The following SYTL5 variants were observed in gnomAD, a reference collection of about 807,000 sequenced individuals.
SYTL5 encodes synaptotagmin like 5.
A neutral mutation model predicts 55.9 loss-of-function variants in SYTL5; 34 were observed. That is an observed-to-expected ratio of 0.61 (90% CI 0.46 to 0.81). SYTL5 has a LOEUF of 0.81. Ranked by LOEUF, SYTL5 falls within the 30% of genes least tolerant of loss-of-function variation. SYTL5 has a pLI of 0.00. For missense variants in SYTL5, 637 were observed against 546.7 expected, an observed-to-expected ratio of 1.17 and a Z score of -1.65; for synonymous variants, 221 against 188.7, an observed-to-expected ratio of 1.17 and a Z score of -1.40.
At chrX:38,076,500 T>A in intron 5 of SYTL5, 67 bp from the exon 6 acceptor site, 5 of 890,801 alleles carry the variant, frequency 5.6e-6, no homozygotes, top group Non-Finnish European at 7.7e-6. Context: ...AGAAATTGTA[T>A]TCTTGAAATG....
the SYTL5 span, among the ~76,000 whole-genome samples, chrX:37,924,329 G>T: frequency 9.0e-6 from 1 of 110,880 alleles, no homozygotes; most frequent in African/African-American, 3.3e-5. Context: ...CTGAACTTTA[G>T]TGTCCCCGTT....
At chrX:38,049,204 G>T (rs1384039605) in intron 2 of SYTL5, among the ~76,000 whole-genome samples, 1 of 112,170 alleles carries the variant, frequency 8.9e-6, no homozygotes, top group Non-Finnish European at 1.9e-5. Context: ...TAGTTCTAGA[G>T]AAGTACTTAG....
At chrX:38,074,119 T>A (rs1936332175) in intron 5 of SYTL5, among the ~76,000 whole-genome samples, 1 of 111,795 alleles carries the variant, frequency 8.9e-6, no homozygotes, top group African/African-American at 3.2e-5. Flanking sequence ...AAGCACCATA[T>A]TCCCTATTTA....
chrX:38,089,526 C>A lies in SYTL5; in HGVS notation c.770C>A (p.Thr257Asn). Reference protein sequence around the residue: ...TPKSSRSNGVTPGTQSSPAPS... With the variant: ...TPKSSRSNGVNPGTQSSPAPS... ...AAGAGCAGTCGGAGCAATGGTGTGACCCCAGGCACTCAGAGTTCACCAGCC... is the reference window on the plus strand; with the variant it reads ...AAGAGCAGTCGGAGCAATGGTGTGAACCCAGGCACTCAGAGTTCACCAGCC... The change falls in exon 7 of 17, where the codon ACC becomes AAC. Residue 257 changes from threonine (T) to asparagine (N), a missense_variant. Physicochemically the swap from Thr to Asn is moderately conservative, Grantham distance 65. Coordinates refer to ENST00000297875, the MANE Select transcript of SYTL5 (RefSeq NM_138780.3). 8.3e-7 allele frequency: 1 copy of A among 1,210,706 alleles called. No homozygotes were observed. The highest frequency in any genetic ancestry group is 1.7e-5 in the African/African-American group (1 of 57,653).
At chrX:38,042,777 C>T (rs1935325262) in intron 2 of SYTL5, among the ~76,000 whole-genome samples, 1 of 111,836 alleles carries the variant, frequency 8.9e-6, no homozygotes, top group Admixed American at 9.5e-5. Flanking sequence ...GACCCATCCC[C>T]TCAAAGGTAA....
the SYTL5 span, among the ~76,000 whole-genome samples, chrX:37,902,629 G>A: frequency 9.0e-6 from 1 of 111,189 alleles, no homozygotes. Context: ...TTCCTGGCAG[G>A]AACTGAAAGG....
intron 7 of SYTL5, among the ~76,000 whole-genome samples, chrX:38,093,403 A>G (rs900785763): frequency 8.9e-6 from 1 of 111,838 alleles, no homozygotes; most frequent in Non-Finnish European, 1.9e-5. Context: ...TCATTATCAT[A>G]CCATGATGTA....
chrX:38,125,323 G>A lies in SYTL5; in HGVS notation c.1867G>A (p.Ala623Thr). The A allele has an allele frequency of 8.3e-7, 1 of 1,211,469 alleles. No individual in the cohort carries two copies. Among genetic ancestry groups the A allele is most frequent in the Non-Finnish European group, 1.1e-6 (1 of 895,340 alleles). The change falls in exon 16 of 17, where the codon GCC becomes ACC. Residue 623 changes from alanine to threonine, a missense_variant. Transcript: ENST00000297875. ...CTACCTGCTCCCTGATGATAGCAAAGCCACCAAGCACAAAACTCTGGTAAT... is the reference window on the plus strand; with the variant it reads ...CTACCTGCTCCCTGATGATAGCAAAACCACCAAGCACAAAACTCTGGTAAT... ...KGYLLPDDSK[A>T]TKHKTLVIKK...
chrX:38,008,783 A>C (rs903596705), intron 1 of SYTL5, among the ~76,000 whole-genome samples: 10 of 111,963 alleles, frequency 8.9e-5, no homozygotes, highest in African/African-American at 2.9e-4. Context: ...GGTCACCTGT[A>C]GTGCTGCTAG....
chrX:38,034,742 C>T (rs992845962), intron 2 of SYTL5, among the ~76,000 whole-genome samples: 10 of 112,418 alleles, frequency 8.9e-5, no homozygotes, highest in African/African-American at 1.3e-4. Flanking sequence ...TGATTGGTTG[C>T]GTCGCCTGCT....
At chrX:37,948,988 C>A in the SYTL5 span, among the ~76,000 whole-genome samples, 19 of 111,419 alleles carry the variant, frequency 1.7e-4, no homozygotes, top group African/African-American at 6.2e-4. Context: ...TATTCAATTT[C>A]AGTCATGTTA....
the SYTL5 span, among the ~76,000 whole-genome samples, chrX:37,947,818 G>A: frequency 2.7e-5 from 3 of 111,531 alleles, no homozygotes; most frequent in African/African-American, 9.8e-5. Context: ...CACATTAAGT[G>A]AGGCTAATAA....
intron 6 of SYTL5, among the ~76,000 whole-genome samples, chrX:38,083,638 T>C (rs7062630): frequency 0.02 from 2,192 of 110,848 alleles, 50 homozygotes; most frequent in African/African-American, 0.068. Flanking sequence ...ATCTCTCTGC[T>C]TCCCTAATTC....
At chrX:38,097,460 T>C (rs1291036193) in intron 9 of SYTL5, among the ~76,000 whole-genome samples, 1 of 110,778 alleles carries the variant, frequency 9.0e-6, no homozygotes, top group Non-Finnish European at 1.9e-5. Flanking sequence ...CCATTCATAA[T>C]AGCATGAAAA....
chrX:37,924,335 C>A, the SYTL5 span, among the ~76,000 whole-genome samples: 2 of 110,819 alleles, frequency 1.8e-5, no homozygotes, highest in African/African-American at 6.6e-5. Context: ...TTTAGTGTCC[C>A]CGTTTATACA....
chrX:37,905,436 T>TGG, the SYTL5 span, among the ~76,000 whole-genome samples: 1 of 8,227 alleles, frequency 1.2e-4, no homozygotes, highest in Admixed American at 1.8e-3. Flanking sequence ...GGTGTGTGTG[T>TGG]GTGGGGGGGG....
At chrX:37,977,824 T>A in the SYTL5 span, among the ~76,000 whole-genome samples, 1 of 108,842 alleles carries the variant, frequency 9.2e-6, no homozygotes, top group African/African-American at 3.4e-5. Context: ...GCAGTAAAAA[T>A]GGCTTGAAGT....
chrX:38,036,763 CTG>C (rs1336156511), intron 2 of SYTL5, among the ~76,000 whole-genome samples: 1 of 112,054 alleles, frequency 8.9e-6, no homozygotes, highest in Non-Finnish European at 1.9e-5. Flanking sequence ...CATGAAATAT[CTG>C]TATCATTTTA....
the SYTL5 span, among the ~76,000 whole-genome samples, chrX:37,941,313 A>G: frequency 6.7e-4 from 75 of 111,445 alleles, 1 homozygote; most frequent in Admixed American, 2.4e-3. Context: ...GCTGATTACA[A>G]TTTTGGAGTG....
Sources: allele counts gnomAD v4.1 joint callset (sites outside exome capture counted in the v4.1 genomes callset), GRCh38; gene constraint gnomAD v4.1.1; transcripts MANE v1.5; gene names NCBI Gene and HGNC (gene_info 2026-07-23, HGNC 2026-07-21).